The following BACH2 variants were observed in gnomAD, a reference collection of about 807,000 sequenced individuals.
BACH2 encodes the protein transcription regulator protein BACH2.
A neutral mutation model predicts 61.8 loss-of-function variants in BACH2; 5 were observed. The observed-to-expected ratio is 0.08, with a 90% confidence interval of 0.04 to 0.17. The LOEUF (loss-of-function observed/expected upper bound fraction) is 0.17, where lower values mean the gene tolerates loss of function less well. Ranked by LOEUF, BACH2 falls within the 10% of genes least tolerant of loss-of-function variation. BACH2 has a pLI of 1.00. For synonymous variants in BACH2, 446 were observed against 440.1 expected, an observed-to-expected ratio of 1.01 and a Z score of -0.17; for missense variants, 824 against 1,091.1, an observed-to-expected ratio of 0.76 and a Z score of 3.45.
chr6:90,130,212 T>C (rs1271660695), intron 4 of BACH2, among the ~76,000 whole-genome samples: 3 of 152,108 alleles, frequency 2.0e-5, no homozygotes, highest in Non-Finnish European at 4.4e-5. Flanking sequence ...ACTGGTGGAA[T>C]TCCTGCTGGT....
intron 6 of BACH2, among the ~76,000 whole-genome samples, chr6:89,955,886 G>A (rs1262730293): frequency 1.3e-5 from 2 of 152,096 alleles, no homozygotes; most frequent in African/African-American, 4.8e-5. Context: ...AGAGGGGGGT[G>A]GGAGGTGGAG....
intron 6 of BACH2, among the ~76,000 whole-genome samples, chr6:89,955,806 T>G (rs1310174957): frequency 6.6e-6 from 1 of 152,210 alleles, no homozygotes; most frequent in Non-Finnish European, 1.5e-5. Flanking sequence ...CATGAAACTG[T>G]GACCACAAGT....
chr6:89,955,537 G>A (rs1051222407), intron 6 of BACH2, among the ~76,000 whole-genome samples: 9 of 152,046 alleles, frequency 5.9e-5, no homozygotes, highest in Non-Finnish European at 1.2e-4. Context: ...GGCTACTTTC[G>A]GAACTGTCAC....
chr6:89,987,741 A>G (rs560380380), intron 6 of BACH2, among the ~76,000 whole-genome samples: 11 of 152,066 alleles, frequency 7.2e-5, no homozygotes, highest in Non-Finnish European at 1.3e-4. Context: ...CTGAAGAGGT[A>G]CCTATGCCAT....
intron 4 of BACH2, among the ~76,000 whole-genome samples, chr6:90,130,190 A>G (rs1784032272): frequency 1.3e-5 from 2 of 152,118 alleles, no homozygotes; most frequent in East Asian, 1.9e-4. Context: ...GATTTGTTAG[A>G]GTACACCGTT....
chr6:90,128,309 G>A (rs992020653), intron 4 of BACH2, among the ~76,000 whole-genome samples: 3 of 152,018 alleles, frequency 2.0e-5, no homozygotes, highest in Non-Finnish European at 2.9e-5. Flanking sequence ...TAGGCCAGGC[G>A]CCGTGGCTCA....
chr6:90,217,242 A>G (rs1326019039), intron 3 of BACH2, among the ~76,000 whole-genome samples: 4 of 152,234 alleles, frequency 2.6e-5, no homozygotes, highest in African/African-American at 9.6e-5. Flanking sequence ...AGTGTCTACT[A>G]TCAAAATTCA....
intron 7 of BACH2, among the ~76,000 whole-genome samples, chr6:89,943,469 T>C (rs570022207): frequency 1.3e-5 from 2 of 151,824 alleles, no homozygotes; most frequent in Non-Finnish European, 2.9e-5. Flanking sequence ...ACATATTATA[T>C]AAATATAGCT....
At chr6:90,046,748 A>G (rs747214765) in intron 5 of BACH2, among the ~76,000 whole-genome samples, 21 of 152,040 alleles carry the variant, frequency 1.4e-4, no homozygotes, top group Non-Finnish European at 2.8e-4. Context: ...TTTGTAAACA[A>G]GTTCAAGTTT....
chr6:90,003,032 T>C (rs1277852810), intron 6 of BACH2, among the ~76,000 whole-genome samples: 1 of 152,224 alleles, frequency 6.6e-6, no homozygotes, highest in East Asian at 1.9e-4. Flanking sequence ...CACCCTGGTG[T>C]AGGCCATCAG....
At chr6:90,035,577 G>C (rs1398319460) in intron 5 of BACH2, among the ~76,000 whole-genome samples, 1 of 152,002 alleles carries the variant, frequency 6.6e-6, no homozygotes, top group Non-Finnish European at 1.5e-5. Flanking sequence ...AAAATCTTAG[G>C]CATTATTTAA....
At position 90,056,183 on chromosome 6, in the gene BACH2, G is replaced by C. The variant is rs12182272; in HGVS notation, c.-13+32778C>G. 1.7e-3 allele frequency among the ~76,000 whole-genome samples: 258 copies of C among 152,272 alleles called. 2 individuals are homozygous for C. Among genetic ancestry groups the C allele is most frequent in the African/African-American group, 6.1e-3 (252 of 41,558 alleles). ...TTAAAAGACACAGACTGGCAAATTG[G>C]ATAAAGAGTCAAGACCTATCAGTGT... On this transcript the variant is annotated intron_variant, in intron 5 of 8. Transcript: ENST00000257749.
intron 4 of BACH2, among the ~76,000 whole-genome samples, chr6:90,135,508 G>A (rs374590663): frequency 5.3e-5 from 8 of 152,264 alleles, no homozygotes; most frequent in South Asian, 2.1e-4. Context: ...TGGATGGATC[G>A]CTTGAGACCA....
intron 5 of BACH2, among the ~76,000 whole-genome samples, chr6:90,038,623 T>A (rs1229200962): frequency 6.6e-6 from 1 of 152,166 alleles, no homozygotes; most frequent in Non-Finnish European, 1.5e-5. Context: ...TTCCCAGCCA[T>A]CCAGTTCCAT....
intron 2 of BACH2, among the ~76,000 whole-genome samples, chr6:90,267,211 C>T (rs967681229): frequency 2.2e-4 from 33 of 152,130 alleles, no homozygotes; most frequent in Non-Finnish European, 4.0e-4. Flanking sequence ...ACTGAGTGTA[C>T]CACAGACAGA....
At chr6:90,252,758 C>T (rs1323268103) in intron 2 of BACH2, among the ~76,000 whole-genome samples, 168 bp from the exon 3 acceptor site, 1 of 152,126 alleles carries the variant, frequency 6.6e-6, no homozygotes, top group African/African-American at 2.4e-5. Context: ...TAAAAATAGA[C>T]CAAAATGAAT....
chr6:90,296,013 GA>G (rs1311857360), intron 1 of BACH2, among the ~76,000 whole-genome samples: 5 of 152,072 alleles, frequency 3.3e-5, no homozygotes, highest in Non-Finnish European at 7.4e-5. Context: ...GCCCGGCCTG[GA>G]GCTGGGATCG....
intron 1 of BACH2, among the ~76,000 whole-genome samples, chr6:90,294,733 C>CCTT (rs753678930): frequency 5.9e-5 from 9 of 152,168 alleles, no homozygotes; most frequent in Admixed American, 5.9e-4. Context: ...TTAAGCAAGA[C>CCTT]GCCCGCTGCC....
In BACH2 at chr6:90,086,635, C is replaced by T. The variant is rs536410870; in HGVS notation, c.-13+2326G>A. Among the ~76,000 whole-genome samples, 8 of 152,186 alleles carry T rather than the reference C, an allele frequency of 5.3e-5. No individual in the cohort carries two copies. The South Asian group carries it at 1.0e-3, about 20-fold the overall frequency. On this transcript the variant is annotated intron_variant, in intron 5 of 8. Transcript: ENST00000257749. ...CAGGTCCTGCCAGATCCAGCAGGAG[C>T]CTGAAGCCATGATTCACCTAAGGAG...
Sources: allele counts gnomAD v4.1 joint callset (sites outside exome capture counted in the v4.1 genomes callset), GRCh38; gene constraint gnomAD v4.1.1; transcripts MANE v1.5; gene names NCBI Gene and HGNC (gene_info 2026-07-23, HGNC 2026-07-21).